The following HACE1 variants were observed in gnomAD, a reference collection of about 807,000 sequenced individuals.
HACE1 encodes the protein E3 ubiquitin-protein ligase HACE1.
HACE1 carries 73 observed loss-of-function variants against 118.4 expected under a neutral mutation model. That is an observed-to-expected ratio of 0.62 (90% CI 0.51 to 0.75). The LOEUF is 0.75. HACE1 is among the 30% of genes least tolerant of loss of function. HACE1 has a pLI of 0.00. For missense variants in HACE1, 749 were observed against 1,102.2 expected, an observed-to-expected ratio of 0.68 and a Z score of 4.54; for synonymous variants, 368 against 374.8, an observed-to-expected ratio of 0.98 and a Z score of 0.21.
chr6:104,824,602 G>A (rs1426358008), intron 6 of HACE1, among the ~76,000 whole-genome samples: 2 of 152,100 alleles, frequency 1.3e-5, no homozygotes, highest in Non-Finnish European at 2.9e-5. Context: ...CAAAGCATAA[G>A]GCACAACATA....
chr6:104,729,671 T>G lies in HACE1; in HGVS notation c.2721A>C (p.Thr907=). The G allele has an allele frequency of 6.9e-7, 1 of 1,450,840 alleles. No homozygotes were observed. Among genetic ancestry groups the G allele is most frequent in the African/African-American group, 1.4e-5 (1 of 71,970 alleles). The allele number at this position is 1,450,840 out of a possible 1,614,324, so 89.9% of individuals were successfully genotyped here. A position where few individuals can be genotyped will look rare whatever the true frequency, so the allele number is the denominator to read the frequency against. The change falls in exon 24 of 24, where the codon ACA becomes ACC. Residue 907 remains threonine, a synonymous_variant. Transcript: ENST00000262903. ...VALHCGSYGY[T]MA Reference sequence around the variant, plus strand: ...AGTTTTCCAGACTTCATTATGCCATTGTGTAACCATAGCTGCCACAATGTA... The same window carrying G: ...AGTTTTCCAGACTTCATTATGCCATGGTGTAACCATAGCTGCCACAATGTA...
chr6:104,776,919 T>C, intron 16 of HACE1, 91 bp from the exon 17 acceptor site: 1 of 1,288,592 alleles, frequency 7.8e-7, no homozygotes, highest in Non-Finnish European at 1.1e-6. Flanking sequence ...ATAAAGTTTC[T>C]TCCTTTATCA....
At chr6:104,765,600 A>C (rs759201829) in intron 19 of HACE1, among the ~76,000 whole-genome samples, 6 of 152,184 alleles carry the variant, frequency 3.9e-5, no homozygotes, top group Non-Finnish European at 5.9e-5. Context: ...TATTGCCACA[A>C]ATCTTTAAAA....
chr6:104,829,982 A>G (rs1045918908), intron 6 of HACE1, among the ~76,000 whole-genome samples: 1 of 152,216 alleles, frequency 6.6e-6, no homozygotes, highest in African/African-American at 2.4e-5. Flanking sequence ...TGTAATGCAC[A>G]TGTTTTGAAC....
In HACE1 at chr6:104,820,220, A is replaced by T. The variant is rs1397974002; in HGVS notation, c.535-8827T>A. On this transcript the variant is annotated intron_variant, in intron 6 of 23. Transcript: ENST00000262903. ...AAAAAAAAAAAAAAAAAAAAGTAAA[A>T]CCCAAAACCATAAAACCCTGGAAAA... Among the ~76,000 whole-genome samples, 4 of 151,620 alleles carry T rather than the reference A, an allele frequency of 2.6e-5. No homozygotes were observed. In the Middle Eastern group the frequency reaches 9.5e-3, roughly 360 times the overall value.
At chr6:104,829,431 A>T (rs1230034272) in intron 6 of HACE1, among the ~76,000 whole-genome samples, 1 of 152,158 alleles carries the variant, frequency 6.6e-6, no homozygotes, top group Non-Finnish European at 1.5e-5. Flanking sequence ...CACAACTATG[A>T]ACACAGATTT....
chr6:104,843,067 G>C (rs1775271204), intron 5 of HACE1, among the ~76,000 whole-genome samples, 156 bp downstream of exon 5: 1 of 152,150 alleles, frequency 6.6e-6, no homozygotes, highest in Non-Finnish European at 1.5e-5. Flanking sequence ...GCACAGATTA[G>C]ACCACCTCAC....
At chr6:104,817,877 A>G (rs1050211432) in intron 6 of HACE1, among the ~76,000 whole-genome samples, 4 of 152,208 alleles carry the variant, frequency 2.6e-5, no homozygotes, top group Non-Finnish European at 4.4e-5. Context: ...ATAACAAGAA[A>G]TGATTAAATA....
intron 5 of HACE1, among the ~76,000 whole-genome samples, chr6:104,841,683 C>A (rs535847395): frequency 4.6e-5 from 7 of 152,106 alleles, no homozygotes; most frequent in Non-Finnish European, 1.0e-4. Flanking sequence ...TGAAAACCAG[C>A]ATGGTAAGTA....
At chr6:104,842,907 T>C (rs1309335304) in intron 5 of HACE1, among the ~76,000 whole-genome samples, 1 of 152,056 alleles carries the variant, frequency 6.6e-6, no homozygotes, top group African/African-American at 2.4e-5. Flanking sequence ...AGGCCAGAAG[T>C]TAGAAACCAG....
chr6:104,755,395 T>C (rs1264802875), intron 19 of HACE1, among the ~76,000 whole-genome samples: 1 of 152,166 alleles, frequency 6.6e-6, no homozygotes, highest in Non-Finnish European at 1.5e-5. Flanking sequence ...AACAAAGATA[T>C]TCTGGACCTG....
At chr6:104,752,743 T>A (rs558931530) in intron 19 of HACE1, among the ~76,000 whole-genome samples, 43 of 152,260 alleles carry the variant, frequency 2.8e-4, no homozygotes, top group Middle Eastern at 6.8e-3. Flanking sequence ...TTTTATTTTT[T>A]AATTAATTTT....
At chr6:104,737,564 G>A (rs1293918227) in intron 22 of HACE1, among the ~76,000 whole-genome samples, 2 of 152,194 alleles carry the variant, frequency 1.3e-5, no homozygotes, top group African/African-American at 4.8e-5. Context: ...AGAAAGGGGT[G>A]ACAGACGGCA....
At chr6:104,796,513 T>C (rs1769650109) in intron 9 of HACE1, 142 bp downstream of exon 9, 2 of 684,626 alleles carry the variant, frequency 2.9e-6, no homozygotes, top group South Asian at 1.5e-5. Context: ...TTCACACTTA[T>C]CCTATAATGC....
At chr6:104,813,088 G>A (rs1290820901) in intron 6 of HACE1, among the ~76,000 whole-genome samples, 1 of 138,018 alleles carries the variant, frequency 7.2e-6, no homozygotes, top group Non-Finnish European at 1.6e-5. Context: ...CAGAAATCCA[G>A]CAGGCAGGCT....
Position 104,744,563 on chromosome 6 carries a change from T to C in HACE1, c.2391A>G (p.Ile797Met), listed in dbSNP as rs753118772. ...AGCCACTTGTGTATTCTGTATTTTT[T>C]ATCCAATCACTCACATCAATTTCTG... ...GMPEIDVSDWIKNTEYTSGYE... is the reference protein window; with the variant it reads ...GMPEIDVSDWMKNTEYTSGYE... Residue 797 changes from isoleucine (I) to methionine (M), a missense_variant, in exon 21 of 24, where the codon ATA becomes ATG. By Grantham distance (10) the Ile-to-Met change is conservative (BLOSUM62 1). This residue lies in a region of HACE1 where 165 missense variants were observed against 229.9 expected (regional missense o/e 0.72). Transcript: ENST00000262903. 8 of 1,607,200 alleles carry C rather than the reference T, an allele frequency of 5.0e-6. No individual in the cohort carries two copies. The highest frequency in any genetic ancestry group is 4.4e-5 in the South Asian group (4 of 90,926).
At chr6:104,812,556 A>C (rs1771742767) in intron 6 of HACE1, among the ~76,000 whole-genome samples, 2 of 152,106 alleles carry the variant, frequency 1.3e-5, no homozygotes, top group Admixed American at 6.6e-5. Context: ...TAAAATAATA[A>C]AACTAAACAC....
At chr6:104,744,726 T>C (rs1777215634) in intron 20 of HACE1, 116 bp from the exon 21 acceptor site, 4 of 682,210 alleles carry the variant, frequency 5.9e-6, no homozygotes. Flanking sequence ...GATATATTTT[T>C]GTGACAGTTC....
intron 19 of HACE1, among the ~76,000 whole-genome samples, chr6:104,769,869 T>C (rs1033401081): frequency 9.2e-5 from 14 of 152,174 alleles, no homozygotes; most frequent in African/African-American, 3.4e-4. Context: ...TATAGTATCT[T>C]AAGTTTCAAA....
Sources: allele counts gnomAD v4.1 joint callset (sites outside exome capture counted in the v4.1 genomes callset), GRCh38; gene constraint gnomAD v4.1.1; regional missense constraint gnomAD v4.1.1; transcripts MANE v1.5; gene names NCBI Gene and HGNC (gene_info 2026-07-23, HGNC 2026-07-21).